Variants in RABGAP1 observed in about 807,000 individuals in gnomAD.
RABGAP1 encodes the protein rab GTPase-activating protein 1.
Under a neutral mutation model 137.6 loss-of-function variants are expected in RABGAP1, and 23 were observed. The ratio of observed to expected loss-of-function variants is 0.17; its 90% CI spans 0.12 to 0.24. The LOEUF (loss-of-function observed/expected upper bound fraction) is 0.24, where lower values mean the gene tolerates loss of function less well. RABGAP1 is among the 10% of genes least tolerant of loss of function. RABGAP1 has a pLI of 1.00. For synonymous variants in RABGAP1, 451 were observed against 450.7 expected, an observed-to-expected ratio of 1.00 and a Z score of -0.01; for missense variants, 906 against 1,275.8, an observed-to-expected ratio of 0.71 and a Z score of 4.42.
intron 4 of RABGAP1, 31 bp downstream of exon 4, chr9:122,986,450 T>C (rs375812428): frequency 9.4e-6 from 15 of 1,590,932 alleles, no homozygotes; most frequent in African/African-American, 2.7e-5. Context: ...TCTTTCGATA[T>C]TTACATCAGA....
chr9:123,005,130 T>C (rs2030115571), intron 10 of RABGAP1, among the ~76,000 whole-genome samples: 1 of 152,000 alleles, frequency 6.6e-6, no homozygotes, highest in Non-Finnish European at 1.5e-5. Flanking sequence ...TTTAAGATTT[T>C]ATGGAACTTC....
At chr9:123,086,121 C>A (rs2034857902) in intron 19 of RABGAP1, among the ~76,000 whole-genome samples, 1 of 152,086 alleles carries the variant, frequency 6.6e-6, no homozygotes, top group Admixed American at 6.5e-5. Flanking sequence ...AGAATAGTTA[C>A]ATAACTGAAA....
rs965128456 is a variant in RABGAP1 at position 123,082,140 on chromosome 9, C to T, written c.2424+5378C>T. ...CTTGCCTCTCTACTTTTGTCTTTTTCAGGCCTTTTACTTCTCCTATTCTCC... is the reference window on the plus strand; with the variant it reads ...CTTGCCTCTCTACTTTTGTCTTTTTTAGGCCTTTTACTTCTCCTATTCTCC... On this transcript the variant is annotated intron_variant, in intron 19 of 25. Coordinates refer to ENST00000373647, the MANE Select transcript of RABGAP1 (RefSeq NM_012197.4). Among the ~76,000 whole-genome samples the T allele has an allele frequency of 1.4e-4, 21 of 151,154 alleles. 2 individuals are homozygous for T.
chr9:123,064,154 A>G (rs2034089433), intron 13 of RABGAP1, among the ~76,000 whole-genome samples: 2 of 152,104 alleles, frequency 1.3e-5, no homozygotes, highest in Admixed American at 1.3e-4. Context: ...CGGAGCTCTA[A>G]TTCAGTCTGG....
intron 13 of RABGAP1, among the ~76,000 whole-genome samples, chr9:123,023,937 T>G (rs1213686713): frequency 6.6e-6 from 1 of 152,120 alleles, no homozygotes; most frequent in Non-Finnish European, 1.5e-5. Flanking sequence ...TGACTTGATT[T>G]ATAGAGTGAA....
chr9:123,020,988 A>G lies in RABGAP1; in HGVS notation c.1794+529A>G, dbSNP rs140880995. On this transcript the variant is annotated intron_variant, in intron 13 of 25. Transcript: ENST00000373647. Reference sequence around the variant, plus strand: ...TTTTGCAAGCAAAACAAGAAAAACTATTTCTTCTACAAGCATATCAGGATT... The same window carrying G: ...TTTTGCAAGCAAAACAAGAAAAACTGTTTCTTCTACAAGCATATCAGGATT... 2,483 of 667,784 alleles carry G rather than the reference A, an allele frequency of 3.7e-3. 3 individuals carry two copies. The highest frequency in any genetic ancestry group is 4.3e-3 in the Non-Finnish European group (2,321 of 540,126). The allele number at this position is 667,784 out of a possible 1,614,324, so 41.4% of individuals were successfully genotyped here.
chr9:123,060,226 A>C (rs2033914697), intron 13 of RABGAP1, among the ~76,000 whole-genome samples: 1 of 152,236 alleles, frequency 6.6e-6, no homozygotes, highest in South Asian at 2.1e-4. Context: ...ATATTTGTGT[A>C]AACACCAAAG....
At chr9:122,949,713 GA>G (rs1204451702) in intron 1 of RABGAP1, among the ~76,000 whole-genome samples, 2,963 of 132,218 alleles carry the variant, frequency 0.022, 47 homozygotes, top group African/African-American at 0.053. Context: ...AAAAAAAAAG[GA>G]AAAAAAAAAA....
In RABGAP1 at chr9:123,036,578, G is replaced by C. The variant is rs111922224; in HGVS notation, c.1794+16119G>C. 9.9e-5 allele frequency among the ~76,000 whole-genome samples: 15 copies of C among 152,132 alleles called. No individual in the cohort carries two copies. The South Asian group carries it at 3.1e-3, about 32-fold the overall frequency. ...TTAGAACATCAGGGAGAAGGGTGTC[G>C]GTCATAAGCAACTGAGTCAGAAAGT... is the stretch of plus-strand genomic sequence containing the variant. On this transcript the variant is annotated intron_variant, in intron 13 of 25. Coordinates refer to ENST00000373647, the MANE Select transcript of RABGAP1 (RefSeq NM_012197.4).
intron 2 of RABGAP1, among the ~76,000 whole-genome samples, chr9:122,980,177 A>G (rs1016875104): frequency 1.3e-5 from 2 of 152,260 alleles, no homozygotes; most frequent in African/African-American, 2.4e-5. Flanking sequence ...ACTACATATA[A>G]GGCCTGCAAA....
intron 1 of RABGAP1, among the ~76,000 whole-genome samples, chr9:122,952,829 G>C (rs761829610): frequency 2.6e-5 from 4 of 152,158 alleles, no homozygotes; most frequent in Non-Finnish European, 5.9e-5. Flanking sequence ...TTCTATAAAA[G>C]GAGGAGACAA....
At chr9:123,082,238 T>C (rs1339273307) in intron 19 of RABGAP1, among the ~76,000 whole-genome samples, 1 of 152,208 alleles carries the variant, frequency 6.6e-6, no homozygotes, top group African/African-American at 2.4e-5. Flanking sequence ...TTAGATCCCC[T>C]GCTCCTAAAC....
intron 10 of RABGAP1, among the ~76,000 whole-genome samples, chr9:123,000,928 C>A (rs1837294768): frequency 6.6e-6 from 1 of 152,132 alleles, no homozygotes; most frequent in Non-Finnish European, 1.5e-5. Context: ...ATAAAACCCT[C>A]CAGCCTTGTT....
chr9:122,988,800 G>C (rs1487182190), intron 4 of RABGAP1, among the ~76,000 whole-genome samples: 1 of 151,870 alleles, frequency 6.6e-6, no homozygotes, highest in Non-Finnish European at 1.5e-5. Flanking sequence ...AAAATTAGCC[G>C]GGCATGGTGG....
At chr9:123,031,137 T>G (rs1170563260) in intron 13 of RABGAP1, among the ~76,000 whole-genome samples, 1 of 152,204 alleles carries the variant, frequency 6.6e-6, no homozygotes, top group Non-Finnish European at 1.5e-5. Context: ...TGTCTGTTTT[T>G]ATCAGCGTAA....
intron 2 of RABGAP1, among the ~76,000 whole-genome samples, chr9:122,965,220 C>T (rs1453342523): frequency 6.6e-6 from 1 of 151,984 alleles, no homozygotes; most frequent in African/African-American, 2.4e-5. Context: ...GAATGACAGT[C>T]ACAAAAGACT....
rs1387665709 is a variant in RABGAP1 at position 123,051,168 on chromosome 9, C to T, written c.1795-14180C>T. 3.7e-5 allele frequency among the ~76,000 whole-genome samples: 5 copies of T among 133,996 alleles called. 1 individual carries two copies. Among genetic ancestry groups the T allele is most frequent in the Admixed American group, 2.5e-4 (3 of 12,206 alleles). The allele number at this position is 133,996 out of a possible 152,430, so 87.9% of individuals were successfully genotyped here. On this transcript the variant is annotated intron_variant, in intron 13 of 25. Transcript: ENST00000373647. Reference sequence around the variant, plus strand: ...GATACATGCCCCCAGCATTCAGCGACTGTGCCTTTTCTTTGAGGAGCCACA... The same window carrying T: ...GATACATGCCCCCAGCATTCAGCGATTGTGCCTTTTCTTTGAGGAGCCACA...
chr9:123,020,379 CGAG>C lies in RABGAP1; in HGVS notation c.1718_1720del (p.Gly573del). On this transcript the variant is annotated inframe_deletion, in exon 13 of 26. Coordinates refer to ENST00000373647, the MANE Select transcript of RABGAP1 (RefSeq NM_012197.4). ...AAGAAACGGTGTCCCTGAAGCTCTT[CGAG>C]GAGAAGTCTGGCAGCTGCTAGCAGG... The C allele has an allele frequency of 6.2e-7, 1 of 1,606,620 alleles. No individual in the cohort carries two copies. The highest frequency in any genetic ancestry group is 8.5e-7 in the Non-Finnish European group (1 of 1,176,274).
intron 1 of RABGAP1, among the ~76,000 whole-genome samples, chr9:122,943,420 C>T (rs774278363): frequency 1.3e-5 from 2 of 152,102 alleles, no homozygotes; most frequent in South Asian, 2.1e-4. Flanking sequence ...AACGCATTGA[C>T]ATTAATAGGT....
Sources: allele counts gnomAD v4.1 joint callset (sites outside exome capture counted in the v4.1 genomes callset), GRCh38; gene constraint gnomAD v4.1.1; transcripts MANE v1.5; gene names NCBI Gene and HGNC (gene_info 2026-07-23, HGNC 2026-07-21).